The following MMP26 variants were observed in gnomAD, a reference collection of about 807,000 sequenced individuals.
MMP26 encodes the protein matrix metallopeptidase 26.
A neutral mutation model predicts 31.0 loss-of-function variants in MMP26; 33 were observed. The observed-to-expected ratio is 1.06, with a 90% CI of 0.81 to 1.42. The LOEUF is 1.42. MMP26 is among the 40% of genes most tolerant of loss of function. MMP26 has a pLI of 0.00. For synonymous variants in MMP26, 122 were observed against 114.9 expected (o/e 1.06, Z -0.40); for missense variants, 347 against 316.1 (o/e 1.10, Z -0.74).
chr11:4,803,523 T>C, intron 2 of MMP26: 1 of 1,613,798 alleles, frequency 6.2e-7, no homozygotes, highest in Non-Finnish European at 8.5e-7. Flanking sequence ...GCATGGGAGG[T>C]ATCAGTAGAT....
intron 1 of MMP26, among the ~76,000 whole-genome samples, chr11:4,722,178 G>A (rs982438256): frequency 6.6e-6 from 1 of 152,106 alleles, no homozygotes; most frequent in Admixed American, 6.5e-5. Context: ...CCCAGTCTCA[G>A]GTATTTATTT....
intron 6 of MMP26, 83 bp from the exon 7 acceptor site, chr11:4,991,881 C>CT: frequency 3.1e-6 from 4 of 1,284,090 alleles, no homozygotes; most frequent in Non-Finnish European, 4.2e-6. Context: ...CTGTTCTCTC[C>CT]TTTTTCTTTG....
intron 1 of MMP26, among the ~76,000 whole-genome samples, chr11:4,749,530 C>T (rs1026327617): frequency 6.6e-6 from 1 of 152,018 alleles, no homozygotes; most frequent in South Asian, 2.1e-4. Flanking sequence ...TCAAATTGTA[C>T]TACAAGGCTA....
chr11:4,778,426 T>C (rs1406577785), intron 2 of MMP26, among the ~76,000 whole-genome samples: 2 of 152,200 alleles, frequency 1.3e-5, no homozygotes, highest in South Asian at 2.1e-4. Flanking sequence ...ATATCACTTT[T>C]GGTATCTATC....
chr11:4,849,159 G>T, intron 2 of MMP26: 1 of 1,613,750 alleles, frequency 6.2e-7, no homozygotes, highest in Non-Finnish European at 8.5e-7. Flanking sequence ...GAAGGTGGGG[G>T]CCATTGAAGT....
At chr11:4,879,545 G>A (rs1344498581) in intron 2 of MMP26, among the ~76,000 whole-genome samples, 1 of 152,048 alleles carries the variant, frequency 6.6e-6, no homozygotes, top group Non-Finnish European at 1.5e-5. Context: ...TACCATTTCT[G>A]CAACTTGCTA....
chr11:4,949,200 T>C (rs1245842584), intron 2 of MMP26, among the ~76,000 whole-genome samples: 1 of 124,200 alleles, frequency 8.1e-6, no homozygotes, highest in East Asian at 2.2e-4. Flanking sequence ...GGCATCTTTT[T>C]TATCTTTATT....
chr11:4,876,003 CA>C (rs1397383857), intron 2 of MMP26: 1 of 151,912 alleles, frequency 6.6e-6, no homozygotes, highest in Non-Finnish European at 1.5e-5. Context: ...ATACGAGTGC[CA>C]AAGAGGGAAG....
At chr11:4,831,034 C>T (rs1849639190) in intron 2 of MMP26, among the ~76,000 whole-genome samples, 1 of 152,160 alleles carries the variant, frequency 6.6e-6, no homozygotes, top group Non-Finnish European at 1.5e-5. Context: ...CTCATAGCTC[C>T]TAACTCGGGT....
At chr11:4,827,623 T>C (rs557772581) in intron 2 of MMP26, among the ~76,000 whole-genome samples, 1 of 152,066 alleles carries the variant, frequency 6.6e-6, no homozygotes, top group East Asian at 1.9e-4. Flanking sequence ...AAAATGGTGA[T>C]ATTAATAATA....
chr11:4,956,272 A>G (rs1352949189), intron 2 of MMP26, among the ~76,000 whole-genome samples: 2 of 152,226 alleles, frequency 1.3e-5, no homozygotes, highest in Non-Finnish European at 2.9e-5. Flanking sequence ...CTGCCACAAA[A>G]GACTGCTCTT....
At chr11:4,708,614 A>G (rs1478258824) in intron 1 of MMP26, among the ~76,000 whole-genome samples, 1 of 152,240 alleles carries the variant, frequency 6.6e-6, no homozygotes, top group African/African-American at 2.4e-5. Flanking sequence ...CATTCTTTCT[A>G]TAGATAAAAA....
At position 4,992,199 on chromosome 11, in the gene MMP26, T is replaced by TA; in HGVS notation, c.758-15_758-14insA. On this transcript the variant is annotated splice_polypyrimidine_tract_variant and intron_variant, in intron 7 of 7. Coordinates refer to ENST00000380390, the MANE Select transcript of MMP26 (RefSeq NM_021801.5). ...ACCTGAAATTTACTGTTGTTTTTTT[T>TA]TTCTGTTTCCATAGGAGAAAAATGT... 1 of 1,612,056 alleles carries TA rather than the reference T, an allele frequency of 6.2e-7. No individual in the cohort carries two copies.
intron 2 of MMP26, among the ~76,000 whole-genome samples, chr11:4,826,934 T>C (rs941178891): frequency 6.6e-6 from 1 of 152,156 alleles, no homozygotes; most frequent in Non-Finnish European, 1.5e-5. Flanking sequence ...CTTTTTCCCA[T>C]TGCTGAAAGT....
At chr11:4,936,837 G>A (rs1469723022) in intron 2 of MMP26, among the ~76,000 whole-genome samples, 1 of 152,070 alleles carries the variant, frequency 6.6e-6, no homozygotes, top group Admixed American at 6.6e-5. Flanking sequence ...TATGACTCCA[G>A]AATAATATAG....
intron 2 of MMP26, among the ~76,000 whole-genome samples, chr11:4,846,313 C>T (rs1022047012): frequency 2.0e-5 from 3 of 152,088 alleles, no homozygotes; most frequent in East Asian, 1.9e-4. Flanking sequence ...GAAAAACAAA[C>T]ATTGCATGTT....
intron 2 of MMP26, among the ~76,000 whole-genome samples, chr11:4,804,934 C>A (rs117176418): frequency 6.7e-6 from 1 of 149,310 alleles, no homozygotes; most frequent in African/African-American, 2.5e-5. Flanking sequence ...CACACCACTG[C>A]ACTCCAGCCT....
chr11:4,799,360 G>T (rs1849150709), intron 2 of MMP26, among the ~76,000 whole-genome samples: 1 of 151,848 alleles, frequency 6.6e-6, no homozygotes, highest in African/African-American at 2.4e-5. Flanking sequence ...ATGGGAGCAG[G>T]AGAGAGAAGG....
chr11:4,719,837 T>G (rs1049723171), intron 1 of MMP26, among the ~76,000 whole-genome samples: 4 of 152,192 alleles, frequency 2.6e-5, no homozygotes, highest in African/African-American at 9.7e-5. Flanking sequence ...TGGTGCAGCT[T>G]AGTTTGCAAA....
Sources: allele counts gnomAD v4.1 joint callset (sites outside exome capture counted in the v4.1 genomes callset), GRCh38; gene constraint gnomAD v4.1.1; transcripts MANE v1.5; gene names NCBI Gene and HGNC (gene_info 2026-07-23, HGNC 2026-07-21).